The following MYOZ2 variants were observed in gnomAD, a reference collection of about 807,000 sequenced individuals.
The protein encoded by MYOZ2 is myozenin 2.
A neutral mutation model predicts 25.4 loss-of-function variants in MYOZ2; 19 were observed. That is an observed-to-expected ratio of 0.75 (90% CI 0.52 to 1.10). The LOEUF is 1.10. Among genes scored for constraint, MYOZ2 ranks in the 50% least tolerant of loss-of-function variants. MYOZ2 has a pLI of 0.00. For missense variants in MYOZ2, 270 were observed against 317.9 expected (o/e 0.85, Z 1.15); for synonymous variants, 92 against 106.9 (o/e 0.86, Z 0.86).
intron 2 of MYOZ2, among the ~76,000 whole-genome samples, chr4:119,148,189 A>G (rs1490406685): frequency 1.3e-5 from 2 of 152,156 alleles, no homozygotes; most frequent in Non-Finnish European, 2.9e-5. Flanking sequence ...TTTGGCCTCC[A>G]TGGTTTCTGA....
intron 5 of MYOZ2, among the ~76,000 whole-genome samples, chr4:119,183,849 T>C (rs952390474): frequency 6.7e-6 from 1 of 150,038 alleles, no homozygotes; most frequent in Non-Finnish European, 1.5e-5. Context: ...AGTTTCCCTC[T>C]TATTGTCCAG....
rs113675243 is a variant in MYOZ2 at position 119,169,437 on chromosome 4, A to G, written c.560+5043A>G. On this transcript the variant is annotated intron_variant, in intron 5 of 5. Transcript: ENST00000307128. Reference sequence around the variant, plus strand: ...ATAAGTAAGATTTTCACATCCAGCTATGGCAGACTACTTTATATCAGAACA... The same window carrying G: ...ATAAGTAAGATTTTCACATCCAGCTGTGGCAGACTACTTTATATCAGAACA... 3.9e-3 allele frequency among the ~76,000 whole-genome samples: 597 copies of G among 152,374 alleles called. 4 individuals are homozygous for G. Among genetic ancestry groups the G allele is most frequent in the African/African-American group, 0.014 (571 of 41,592 alleles).
intron 5 of MYOZ2, among the ~76,000 whole-genome samples, chr4:119,176,745 C>T (rs917282587): frequency 3.3e-5 from 5 of 152,068 alleles, no homozygotes; most frequent in African/African-American, 9.7e-5. Flanking sequence ...ATTCAGGTAC[C>T]TTGTGATTAT....
intron 2 of MYOZ2, among the ~76,000 whole-genome samples, 196 bp from the exon 3 acceptor site, chr4:119,150,676 C>A (rs1741426530): frequency 6.6e-6 from 1 of 152,018 alleles, no homozygotes; most frequent in African/African-American, 2.4e-5. Context: ...ATTTCATTCT[C>A]ATATTAATGC....
intron 5 of MYOZ2, among the ~76,000 whole-genome samples, chr4:119,168,683 A>ACAAC: frequency 6.6e-6 from 1 of 150,938 alleles, no homozygotes; most frequent in African/African-American, 2.5e-5. Flanking sequence ...AACAACAACA[A>ACAAC]AACAACAACA....
chr4:119,148,725 ATT>A (rs202187477), intron 2 of MYOZ2, among the ~76,000 whole-genome samples: 2,756 of 66,982 alleles, frequency 0.041, 62 homozygotes, highest in East Asian at 0.2. Context: ...CTCGACTGAG[ATT>A]TTTTTTTTTT....
chr4:119,136,811 A>T (rs1456041467), intron 2 of MYOZ2, among the ~76,000 whole-genome samples: 10 of 152,178 alleles, frequency 6.6e-5, no homozygotes, highest in Non-Finnish European at 1.3e-4. Flanking sequence ...TCAGAGGAAC[A>T]ACTGCTGTAA....
At chr4:119,170,191 A>G (rs948727775) in intron 5 of MYOZ2, among the ~76,000 whole-genome samples, 1 of 151,964 alleles carries the variant, frequency 6.6e-6, no homozygotes, top group African/African-American at 2.4e-5. Context: ...CTCTGCCACC[A>G]TCAATTCCTG....
chr4:119,140,483 C>A (rs1343669332), intron 2 of MYOZ2, among the ~76,000 whole-genome samples: 1 of 152,058 alleles, frequency 6.6e-6, no homozygotes, highest in Non-Finnish European at 1.5e-5. Context: ...CTCATAGCCC[C>A]AAGAAAAATA....
intron 5 of MYOZ2, among the ~76,000 whole-genome samples, chr4:119,176,387 A>AT (rs1318346575): frequency 6.6e-6 from 1 of 151,784 alleles, no homozygotes; most frequent in Non-Finnish European, 1.5e-5. Flanking sequence ...CACCCAGCTA[A>AT]TTTTTTTGTA....
At chr4:119,139,249 C>T (rs890544016) in intron 2 of MYOZ2, among the ~76,000 whole-genome samples, 1 of 152,184 alleles carries the variant, frequency 6.6e-6, no homozygotes, top group African/African-American at 2.4e-5. Context: ...CCATCATCAT[C>T]ACCTTGGCCG....
chr4:119,185,832 A>G (rs1742280401), intron 5 of MYOZ2, 134 bp from the exon 6 acceptor site: 3 of 742,056 alleles, frequency 4.0e-6, no homozygotes, highest in Admixed American at 5.0e-5. Context: ...AGTCATTCAT[A>G]GAATATAAGT....
At chr4:119,158,950 A>G (rs559491646) in intron 4 of MYOZ2, among the ~76,000 whole-genome samples, 1 of 152,080 alleles carries the variant, frequency 6.6e-6, no homozygotes, top group Non-Finnish European at 1.5e-5. Flanking sequence ...ACAATAACTA[A>G]AAGAGTATAA....
At chr4:119,175,973 T>A (rs1742064298) in intron 5 of MYOZ2, among the ~76,000 whole-genome samples, 1 of 152,102 alleles carries the variant, frequency 6.6e-6, no homozygotes, top group African/African-American at 2.4e-5. Flanking sequence ...AGTGAAGCAA[T>A]GTGTTCTGAC....
At chr4:119,169,174 T>G (rs1334820241) in intron 5 of MYOZ2, among the ~76,000 whole-genome samples, 2 of 152,236 alleles carry the variant, frequency 1.3e-5, no homozygotes, top group African/African-American at 2.4e-5. Context: ...AACTAAAGTA[T>G]GTACTTTGTT....
At chr4:119,170,758 T>C (rs748186095) in intron 5 of MYOZ2, among the ~76,000 whole-genome samples, 42 of 152,092 alleles carry the variant, frequency 2.8e-4, no homozygotes, top group Non-Finnish European at 4.6e-4. Flanking sequence ...AGAGAAGCAA[T>C]ATTGAAAGAA....
chr4:119,184,757 G>T (rs1289503001), intron 5 of MYOZ2, among the ~76,000 whole-genome samples: 2 of 152,206 alleles, frequency 1.3e-5, no homozygotes, highest in East Asian at 1.9e-4. Context: ...ACAAGATATA[G>T]AAGTTGGGCT....
chr4:119,186,312 T>C lies in MYOZ2; in HGVS notation c.*112T>C, dbSNP rs1412143080. On this transcript the variant is annotated 3_prime_UTR_variant, in exon 6 of 6. Coordinates refer to ENST00000307128, the MANE Select transcript of MYOZ2 (RefSeq NM_016599.5). ...TTCATTAGTAGCAACAATAGCAATT[T>C]AGTGATTTTCCTTTTCTGACATTCA... 1.3e-6 allele frequency: 1 copy of C among 787,790 alleles called. No homozygotes were observed. Among genetic ancestry groups the C allele is most frequent in the Non-Finnish European group, 2.1e-6 (1 of 481,704 alleles). The allele number at this position is 787,790 out of a possible 1,614,324, so 48.8% of individuals were successfully genotyped here. A position where few individuals can be genotyped will look rare whatever the true frequency, so the allele number is the denominator to read the frequency against.
intron 5 of MYOZ2, among the ~76,000 whole-genome samples, chr4:119,169,955 C>T (rs1237551302): frequency 1.3e-5 from 2 of 152,096 alleles, no homozygotes; most frequent in Non-Finnish European, 2.9e-5. Flanking sequence ...CTTAAATCAT[C>T]CTACAGGTTT....
Sources: gnomAD v4.1 joint callset for allele counts (sites outside exome capture counted in the v4.1 genomes callset) on GRCh38, gnomAD v4.1.1 for gene constraint, MANE v1.5 for transcripts, NCBI Gene and HGNC (gene_info 2026-07-23, HGNC 2026-07-21) for gene names.